The following RBMS3 variants were observed in gnomAD, a reference collection of about 807,000 sequenced individuals.
The protein encoded by RBMS3 is RNA binding motif single stranded interacting protein 3, also known as RNA-binding motif, single-stranded-interacting protein 3.
Under a neutral mutation model 66.8 loss-of-function variants are expected in RBMS3, and 27 were observed. The observed-to-expected ratio is 0.40, with a 90% CI of 0.30 to 0.56. RBMS3 has a LOEUF of 0.56. Among genes scored for constraint, RBMS3 ranks in the 20% least tolerant of loss-of-function variants. The probability of loss-of-function intolerance (pLI) is 0.40; values close to 1 mark genes in which losing one functional copy is unlikely to be tolerated. For missense variants in RBMS3, 513 were observed against 549.5 expected (o/e 0.93, Z 0.66); for synonymous variants, 188 against 183.0 (o/e 1.03, Z -0.22).
chr3:29,881,678 A>C (rs1371477102), intron 7 of RBMS3, among the ~76,000 whole-genome samples: 3 of 152,204 alleles, frequency 2.0e-5, no homozygotes, highest in Admixed American at 6.5e-5. Flanking sequence ...GTGTTGAAGA[A>C]AGACAGTTTA....
At chr3:29,290,176 A>T (rs1211577562) in intron 1 of RBMS3, among the ~76,000 whole-genome samples, 1 of 151,900 alleles carries the variant, frequency 6.6e-6, no homozygotes, top group African/African-American at 2.4e-5. Flanking sequence ...TGTCAATCAT[A>T]TAAATGGTAT....
chr3:29,351,438 AAATGTTTGCCAATCTG>A (rs1418961441), intron 1 of RBMS3, among the ~76,000 whole-genome samples: 5 of 152,116 alleles, frequency 3.3e-5, no homozygotes, highest in Non-Finnish European at 7.4e-5. Flanking sequence ...CTGTATTTAC[AAATGTTTGCCAATCTG>A]AACTGTGAAA....
chr3:29,680,933 C>A (rs1455453511), intron 4 of RBMS3, among the ~76,000 whole-genome samples: 1 of 152,126 alleles, frequency 6.6e-6, no homozygotes, highest in Non-Finnish European at 1.5e-5. Flanking sequence ...ACCTGTGTAA[C>A]TTAAAACCCT....
intron 4 of RBMS3, among the ~76,000 whole-genome samples, chr3:29,729,817 C>A (rs2054052958): frequency 8.2e-6 from 1 of 121,312 alleles, no homozygotes; most frequent in South Asian, 2.9e-4. Context: ...ATAGCCAAGA[C>A]AATCCTAAGC....
intron 3 of RBMS3, among the ~76,000 whole-genome samples, chr3:29,521,418 C>T (rs1166303454): frequency 2.6e-5 from 4 of 152,122 alleles, no homozygotes; most frequent in African/African-American, 9.7e-5. Context: ...CATTTGCTTT[C>T]TCGTATTGGG....
chr3:29,391,947 GTTAAA>G (rs1164874216), intron 1 of RBMS3, among the ~76,000 whole-genome samples: 4 of 152,204 alleles, frequency 2.6e-5, no homozygotes, highest in Non-Finnish European at 4.4e-5. Context: ...GATAAATAAA[GTTAAA>G]TTAAGAAAAC....
intron 10 of RBMS3, among the ~76,000 whole-genome samples, chr3:29,921,899 C>T (rs1052579765): frequency 2.0e-5 from 3 of 152,172 alleles, no homozygotes; most frequent in Non-Finnish European, 2.9e-5. Flanking sequence ...CCCAGAGCCT[C>T]CTGCTGAAGC....
chr3:29,378,389 A>G lies in RBMS3; in HGVS notation c.76-56354A>G, dbSNP rs183110852. ...TGGGAGGCTGAGGCAGGAGAATGGC[A>G]TGAAACCCGGAGGCGGAGCTTGCAG... On this transcript the variant is annotated intron_variant, in intron 1 of 14. Transcript: ENST00000383767. Among the ~76,000 whole-genome samples, 7 of 152,042 alleles carry G rather than the reference A, an allele frequency of 4.6e-5. No homozygotes were observed. In the East Asian group the frequency reaches 1.2e-3, roughly 25 times the overall value.
At chr3:29,518,555 A>G (rs1332847918) in intron 3 of RBMS3, among the ~76,000 whole-genome samples, 1 of 152,238 alleles carries the variant, frequency 6.6e-6, no homozygotes, top group Non-Finnish European at 1.5e-5. Context: ...AGAAAAGAAT[A>G]TGAAAACATT....
At chr3:29,341,987 T>C (rs1019071890) in intron 1 of RBMS3, among the ~76,000 whole-genome samples, 5 of 152,174 alleles carry the variant, frequency 3.3e-5, no homozygotes, top group Non-Finnish European at 4.4e-5. Flanking sequence ...CCCCTCTTGC[T>C]TGATCTTCAT....
chr3:29,673,161 G>A (rs1045356386), intron 4 of RBMS3, among the ~76,000 whole-genome samples: 9 of 152,104 alleles, frequency 5.9e-5, no homozygotes, highest in Middle Eastern at 3.2e-3. Flanking sequence ...GGTAAATAAC[G>A]AAATGAAGGC....
At chr3:29,911,035 C>T (rs535753976) in intron 10 of RBMS3, among the ~76,000 whole-genome samples, 3 of 152,068 alleles carry the variant, frequency 2.0e-5, no homozygotes, top group African/African-American at 7.2e-5. Context: ...ATATGTTCAT[C>T]TATGGTTAAC....
At chr3:29,796,513 C>G (rs1300880448) in intron 6 of RBMS3, among the ~76,000 whole-genome samples, 3 of 152,126 alleles carry the variant, frequency 2.0e-5, no homozygotes, top group Non-Finnish European at 4.4e-5. Flanking sequence ...GAATCACTAT[C>G]TATGACAGCT....
chr3:29,305,022 C>T (rs2033917455), intron 1 of RBMS3, among the ~76,000 whole-genome samples: 1 of 151,874 alleles, frequency 6.6e-6, no homozygotes, highest in Non-Finnish European at 1.5e-5. Flanking sequence ...TCTCCTCCTC[C>T]TCACTCTTTC....
rs560521422 is a variant in RBMS3, at chr3:29,525,427, C to T, written c.307+36928C>T. Among the ~76,000 whole-genome samples, 17 of 152,308 alleles carry T rather than the reference C, an allele frequency of 1.1e-4. No individual in the cohort carries two copies. In the South Asian group the frequency reaches 3.1e-3, roughly 28 times the overall value. On this transcript the variant is annotated intron_variant, in intron 3 of 14. Coordinates refer to ENST00000383767, the MANE Select transcript of RBMS3 (RefSeq NM_001003793.3). The stretch of plus-strand genomic sequence containing the variant: ...TTGGACCTTTTGTCCACACTCACTT[C>T]CTGTTGACCGAGTGACATCCCTTCA...
At chr3:29,700,356 CTG>C (rs1391476705) in intron 4 of RBMS3, among the ~76,000 whole-genome samples, 5 of 152,218 alleles carry the variant, frequency 3.3e-5, no homozygotes, top group Non-Finnish European at 7.3e-5. Flanking sequence ...TAACGCCAAA[CTG>C]TGTACGGTCT....
intron 3 of RBMS3, among the ~76,000 whole-genome samples, chr3:29,492,396 G>A (rs1198124341): frequency 6.7e-6 from 1 of 150,190 alleles, no homozygotes; most frequent in Non-Finnish European, 1.5e-5. Flanking sequence ...GGAATAATAG[G>A]AGAAAGATAT....
intron 6 of RBMS3, among the ~76,000 whole-genome samples, chr3:29,816,269 T>G (rs2057893952): frequency 6.7e-6 from 1 of 148,250 alleles, no homozygotes; most frequent in Admixed American, 6.8e-5. Flanking sequence ...GTCATGTGCA[T>G]CCCCCTGTGC....
At chr3:29,337,168 T>C (rs918250757) in intron 1 of RBMS3, among the ~76,000 whole-genome samples, 19 of 152,162 alleles carry the variant, frequency 1.2e-4, no homozygotes, top group Non-Finnish European at 2.6e-4. Flanking sequence ...TGGAAATATT[T>C]GTAAACTAAT....
Sources: gnomAD v4.1 joint callset for allele counts (sites outside exome capture counted in the v4.1 genomes callset) on GRCh38, gnomAD v4.1.1 for gene constraint, MANE v1.5 for transcripts, NCBI Gene and HGNC (gene_info 2026-07-23, HGNC 2026-07-21) for gene names.